The following LARP7 variants were observed in gnomAD, a reference collection of about 807,000 sequenced individuals.
The protein encoded by LARP7 is la-related protein 7.
Under a neutral mutation model 69.3 loss-of-function variants are expected in LARP7, and 52 were observed. That is an observed-to-expected ratio of 0.75 (90% CI 0.60 to 0.95). LARP7 has a LOEUF of 0.95. LARP7 is among the 40% of genes least tolerant of loss of function. The probability of loss-of-function intolerance (pLI) is 0.00; values close to 1 mark genes in which losing one functional copy is unlikely to be tolerated. For missense variants in LARP7, 733 were observed against 673.0 expected (o/e 1.09, Z -0.99); for synonymous variants, 254 against 215.9 (o/e 1.18, Z -1.55).
chr4:112,650,985 C>G (rs955104196), intron 10 of LARP7, among the ~76,000 whole-genome samples: 1 of 152,044 alleles, frequency 6.6e-6, no homozygotes, highest in Admixed American at 6.6e-5. Context: ...ATATAATTTA[C>G]GCTACAAATT....
At chr4:112,645,774 C>T (rs2048178940) in intron 2 of LARP7, 2 of 356,458 alleles carry the variant, frequency 5.6e-6, no homozygotes, top group South Asian at 4.2e-5. Context: ...TACCTTCACC[C>T]CTGAATTGCT....
chr4:112,648,803 T>C, intron 8 of LARP7: 2 of 238,100 alleles, frequency 8.4e-6, no homozygotes, highest in Non-Finnish European at 1.7e-5. Flanking sequence ...TTTGTTATTT[T>C]AATGTATCAG....
intron 2 of LARP7, 31 bp downstream of exon 2, chr4:112,644,902 T>A: frequency 8.7e-7 from 1 of 1,152,222 alleles, no homozygotes; most frequent in Non-Finnish European, 1.2e-6. Flanking sequence ...GAACCAATTT[T>A]TAGATATGGT....
intron 2 of LARP7, 71 bp downstream of exon 2, chr4:112,644,942 A>ATAC: frequency 4.2e-6 from 1 of 235,636 alleles, no homozygotes; most frequent in Non-Finnish European, 6.5e-6. Flanking sequence ...AAAATAATAT[A>ATAC]TTCTTTTTTT....
Position 112,646,407 on chromosome 4 carries a change from G to GGGAA in LARP7, c.261_264dup (p.Leu89GlufsTer16). 2.5e-6 allele frequency: 4 copies of GGGAA among 1,605,234 alleles called. No homozygotes were observed. Among genetic ancestry groups the GGGAA allele is most frequent in the Non-Finnish European group, 3.4e-6 (4 of 1,173,156 alleles). On this transcript the variant is annotated frameshift_variant, in exon 3 of 13. Coordinates refer to ENST00000344442, the MANE Select transcript of LARP7 (RefSeq NM_016648.4). LOFTEE classifies it high-confidence loss of function. ...CAAAATGAAAAAATTGACTACTGAT[G>GGGAA]GGAAGTTAATTGCCAGAGCATTGAG...
rs186620888 is a variant in LARP7, at chr4:112,639,763, G to T, written c.-3+2524G>T. ...GTAGCAGTAGTTGTAGAAAACACTG[G>T]ATGGAGATGAGAGCCATTTCAAAAG... On this transcript the variant is annotated intron_variant, in intron 1 of 12. Coordinates refer to ENST00000344442, the MANE Select transcript of LARP7 (RefSeq NM_016648.4). 5.3e-5 allele frequency among the ~76,000 whole-genome samples: 8 copies of T among 152,162 alleles called. No homozygotes were observed. In the East Asian group the frequency reaches 1.2e-3, roughly 22 times the overall value.
At chr4:112,647,922 C>A in intron 8 of LARP7, 88 bp downstream of exon 8, 5 of 982,246 alleles carry the variant, frequency 5.1e-6, no homozygotes, top group Non-Finnish European at 8.2e-6. Context: ...AACAGAGTTG[C>A]ATATTAGCAA....
intron 1 of LARP7, among the ~76,000 whole-genome samples, chr4:112,641,231 C>CA (rs938093592): frequency 1.1e-4 from 16 of 150,744 alleles, no homozygotes; most frequent in South Asian, 4.2e-4. Context: ...ACTAAAAATA[C>CA]AAAAAAAAAT....
rs560828222 is a variant in LARP7, at chr4:112,646,240, G to T, written c.203-111G>T. Reference sequence around the variant, plus strand: ...CCGCCTTGGCCTCCCAAAGTACTAGGATTACAGGCATGAGCCACCGAGCCT... The same window carrying T: ...CCGCCTTGGCCTCCCAAAGTACTAGTATTACAGGCATGAGCCACCGAGCCT... On this transcript the variant is annotated intron_variant, in intron 2 of 12. Coordinates refer to ENST00000344442, the MANE Select transcript of LARP7 (RefSeq NM_016648.4). 3.0e-4 allele frequency: 169 copies of T among 554,746 alleles called. 1 individual carries two copies. In the South Asian group the frequency reaches 3.8e-3, roughly 12 times the overall value. 34.4% of individuals were successfully genotyped at this position (554,746 alleles called of 1,614,324 possible).
At chr4:112,643,487 T>A (rs1198363189) in intron 1 of LARP7, among the ~76,000 whole-genome samples, 1 of 152,008 alleles carries the variant, frequency 6.6e-6, no homozygotes, top group Non-Finnish European at 1.5e-5. Context: ...GAAAGTAACT[T>A]GAGGAAGGAG....
intron 1 of LARP7, chr4:112,638,148 T>G (rs576840667): frequency 3.4e-4 from 51 of 152,098 alleles, no homozygotes; most frequent in African/African-American, 1.2e-3. Context: ...ACACAAAAAT[T>G]AGCGGGGAGT....
intron 10 of LARP7, among the ~76,000 whole-genome samples, chr4:112,651,779 A>G (rs2048751762): frequency 6.6e-6 from 1 of 152,168 alleles, no homozygotes; most frequent in Non-Finnish European, 1.5e-5. Flanking sequence ...AAGGGTTTTA[A>G]ATCAAGAGAT....
chr4:112,653,171 A>T lies in LARP7; in HGVS notation c.1511A>T (p.Gln504Leu). 1 of 1,610,162 alleles carries T rather than the reference A, an allele frequency of 6.2e-7. No homozygotes were observed. The highest frequency in any genetic ancestry group is 1.3e-5 in the African/African-American group (1 of 74,798). ...AGATTTAAAACTCCTGAGGATGCTCAAGCAGTAATAAATGCCTATACAGAA... is the reference window on the plus strand; with the variant it reads ...AGATTTAAAACTCCTGAGGATGCTCTAGCAGTAATAAATGCCTATACAGAA... Reference protein sequence around the residue: ...HARFKTPEDAQAVINAYTEIN... With the variant: ...HARFKTPEDALAVINAYTEIN... The change falls in exon 11 of 13, where the codon CAA becomes CTA. Residue 504 changes from glutamine to leucine, a missense_variant. Gln to Leu is a moderately radical substitution (Grantham distance 113). Transcript: ENST00000344442.
chr4:112,647,188 C>T lies in LARP7; in HGVS notation c.647-11C>T. 1 of 1,590,472 alleles carries T rather than the reference C, an allele frequency of 6.3e-7. No individual in the cohort carries two copies. The highest frequency in any genetic ancestry group is 1.2e-5 in the South Asian group (1 of 85,824). ...AAGTAAGATGAACTAATAATGATGG[C>T]ACTTTTACAGAAGAGAAGAAAAAGA... On this transcript the variant is annotated splice_polypyrimidine_tract_variant and intron_variant, in intron 6 of 12. Coordinates refer to ENST00000344442, the MANE Select transcript of LARP7 (RefSeq NM_016648.4).
intron 1 of LARP7, among the ~76,000 whole-genome samples, chr4:112,642,079 C>T (rs888452590): frequency 6.6e-6 from 1 of 152,096 alleles, no homozygotes; most frequent in African/African-American, 2.4e-5. Context: ...GAAGAAGACT[C>T]GTTTGGAAGC....
chr4:112,646,263 C>G (rs537735553), intron 2 of LARP7, 88 bp from the exon 3 acceptor site: 5 of 641,990 alleles, frequency 7.8e-6, no homozygotes, highest in Non-Finnish European at 1.3e-5. Flanking sequence ...AGCCACCGAG[C>G]CTGAGGGCCT....
intron 12 of LARP7, chr4:112,655,478 TGTC>T (rs1401007599): frequency 1.3e-5 from 2 of 152,210 alleles, no homozygotes; most frequent in African/African-American, 4.8e-5. Flanking sequence ...AGTTGACTCT[TGTC>T]GTGAAATGAA....
chr4:112,646,857 G>GTTT lies in LARP7; in HGVS notation c.455_457dup (p.Val152_Tyr153insPhe). 1 of 1,607,270 alleles carries GTTT rather than the reference G, an allele frequency of 6.2e-7. No individual in the cohort carries two copies. The highest frequency in any genetic ancestry group is 8.5e-7 in the Non-Finnish European group (1 of 1,178,412). Reference sequence around the variant, plus strand: ...AGTATTTGGGAAATGTGGCAATGTTGTTTATATAAGTATACCACATTATAA... The same window carrying GTTT: ...AGTATTTGGGAAATGTGGCAATGTTGTTTTTTATATAAGTATACCACATTATAA... On this transcript the variant is annotated inframe_insertion, in exon 5 of 13. Transcript: ENST00000344442.
chr4:112,643,629 C>T (rs937318101), intron 1 of LARP7, among the ~76,000 whole-genome samples: 9 of 152,146 alleles, frequency 5.9e-5, no homozygotes, highest in Non-Finnish European at 1.3e-4. Context: ...TGGCGAATCA[C>T]CTGAGGTCAG....
Sources: allele counts gnomAD v4.1 joint callset (sites outside exome capture counted in the v4.1 genomes callset), GRCh38; gene constraint gnomAD v4.1.1; transcripts MANE v1.5; gene names NCBI Gene and HGNC (gene_info 2026-07-23, HGNC 2026-07-21).